The following RBM47 variants were observed in gnomAD, a reference collection of about 807,000 sequenced individuals.
The protein encoded by RBM47 is RNA binding motif protein 47.
RBM47 carries 21 observed loss-of-function variants against 47.1 expected under a neutral mutation model. That is an observed-to-expected ratio of 0.45 (90% CI 0.32 to 0.64). RBM47 has a LOEUF of 0.64. Among genes scored for constraint, RBM47 ranks in the 30% least tolerant of loss-of-function variants. RBM47 has a pLI of 0.05. For synonymous variants in RBM47, 375 were observed against 361.7 expected (o/e 1.04, Z -0.42); for missense variants, 708 against 870.9 (o/e 0.81, Z 2.35).
At chr4:40,545,951 A>G (rs1459634318) in intron 1 of RBM47, among the ~76,000 whole-genome samples, 1 of 152,144 alleles carries the variant, frequency 6.6e-6, no homozygotes, top group East Asian at 1.9e-4. Context: ...CACAGAGAAA[A>G]TGTTCAATGA....
intron 3 of RBM47, among the ~76,000 whole-genome samples, chr4:40,457,444 A>C (rs1488500072): frequency 3.3e-5 from 5 of 152,036 alleles, no homozygotes; most frequent in African/African-American, 4.8e-5. Flanking sequence ...AAAAACAAAA[A>C]AAAGGCATTT....
At chr4:40,568,861 G>A (rs1011693600) in intron 1 of RBM47, among the ~76,000 whole-genome samples, 15 of 151,926 alleles carry the variant, frequency 9.9e-5, no homozygotes, top group East Asian at 9.7e-4. Context: ...GGTGCCTGTA[G>A]TCCCAGCTAC....
At chr4:40,560,392 C>T (rs1373770826) in intron 1 of RBM47, among the ~76,000 whole-genome samples, 1 of 152,186 alleles carries the variant, frequency 6.6e-6, no homozygotes, top group Non-Finnish European at 1.5e-5. Context: ...CACTTTCTTA[C>T]CACTCTTGGA....
At chr4:40,570,983 A>C (rs1731649060) in intron 1 of RBM47, among the ~76,000 whole-genome samples, 1 of 152,066 alleles carries the variant, frequency 6.6e-6, no homozygotes, top group Non-Finnish European at 1.5e-5. Flanking sequence ...TGGGAGGCAA[A>C]GGCAGGTGGA....
intron 1 of RBM47, among the ~76,000 whole-genome samples, chr4:40,546,631 TC>T (rs1287339656): frequency 1.3e-5 from 2 of 152,222 alleles, no homozygotes; most frequent in Non-Finnish European, 2.9e-5. Flanking sequence ...CCAAAGTTCT[TC>T]CCAATGCAAT....
At chr4:40,498,054 TTA>T (rs6148409) in intron 2 of RBM47, among the ~76,000 whole-genome samples, 6,226 of 109,800 alleles carry the variant, frequency 0.057, 570 homozygotes, top group African/African-American at 0.17. Context: ...AGTGCTTGTT[TTA>T]TATATATATA....
At chr4:40,533,747 C>A (rs527488039) in intron 2 of RBM47, among the ~76,000 whole-genome samples, 1 of 152,066 alleles carries the variant, frequency 6.6e-6, no homozygotes, top group Non-Finnish European at 1.5e-5. Context: ...ATGATCCTTG[C>A]ATCCTAGACC....
At chr4:40,493,591 C>T (rs1722188272) in intron 2 of RBM47, among the ~76,000 whole-genome samples, 1 of 152,112 alleles carries the variant, frequency 6.6e-6, no homozygotes, top group African/African-American at 2.4e-5. Flanking sequence ...CAAGACCAGC[C>T]TGGCCAACAT....
chr4:40,573,482 C>CTTTA (rs1312786071), intron 1 of RBM47, among the ~76,000 whole-genome samples: 2 of 151,886 alleles, frequency 1.3e-5, no homozygotes, highest in African/African-American at 4.8e-5. Flanking sequence ...GTGGATTATG[C>CTTTA]CTGTAATCCC....
chr4:40,519,650 C>T (rs1327842037), intron 2 of RBM47, among the ~76,000 whole-genome samples: 1 of 142,596 alleles, frequency 7.0e-6, no homozygotes, highest in African/African-American at 2.7e-5. Flanking sequence ...TTCCCTCTAC[C>T]CTACCCTCCT....
At chr4:40,568,428 C>CAAAAAAAA (rs35434439) in intron 1 of RBM47, among the ~76,000 whole-genome samples, 3 of 57,574 alleles carry the variant, frequency 5.2e-5, no homozygotes, top group East Asian at 5.4e-4. Context: ...AACCCTGTCT[C>CAAAAAAAA]AAAAAAAAAA....
At chr4:40,436,002 CAAAA>C (rs11452583) in intron 5 of RBM47, among the ~76,000 whole-genome samples, 1 of 111,366 alleles carries the variant, frequency 9.0e-6, no homozygotes, top group Non-Finnish European at 1.8e-5. Context: ...ACTAAAAATA[CAAAA>C]AAAAAAAAAA....
intron 3 of RBM47, among the ~76,000 whole-genome samples, chr4:40,453,619 GCTGA>G (rs1715782945): frequency 6.6e-6 from 1 of 152,192 alleles, no homozygotes; most frequent in Non-Finnish European, 1.5e-5. Flanking sequence ...GAGACCTTCT[GCTGA>G]CTGTCAGCAG....
At chr4:40,508,819 C>A (rs189147600) in intron 2 of RBM47, among the ~76,000 whole-genome samples, 1 of 152,168 alleles carries the variant, frequency 6.6e-6, no homozygotes, top group African/African-American at 2.4e-5. Flanking sequence ...ACCTAACAGT[C>A]GTGCAGTTTA....
intron 2 of RBM47, among the ~76,000 whole-genome samples, chr4:40,519,848 T>C (rs1726024713): frequency 6.6e-6 from 1 of 151,956 alleles, no homozygotes; most frequent in Non-Finnish European, 1.5e-5. Flanking sequence ...TTTTGTATTT[T>C]TAGTAGAGAC....
At chr4:40,481,475 TTATTATTATTA>T (rs1560406121) in intron 2 of RBM47, among the ~76,000 whole-genome samples, 33 of 134,574 alleles carry the variant, frequency 2.5e-4, no homozygotes, top group African/African-American at 8.3e-4. Context: ...ATTATTATTA[TTATTATTATTA>T]TTTTTATTTT....
intron 3 of RBM47, among the ~76,000 whole-genome samples, chr4:40,461,277 C>T (rs1308953724): frequency 2.0e-5 from 3 of 152,160 alleles, no homozygotes; most frequent in Non-Finnish European, 2.9e-5. Context: ...AAAACTAATA[C>T]ATCAGTAAAA....
Position 40,519,770 on chromosome 4 carries a change from A to G in RBM47, c.-155+24652T>C, listed in dbSNP as rs574009416. ...CTGCAACCTCCATCTCCCAGGTTCA[A>G]GCAATTCTCCTGCCTAAGCCTCCCG... On this transcript the variant is annotated intron_variant, in intron 2 of 6. Coordinates refer to ENST00000295971, the MANE Select transcript of RBM47 (RefSeq NM_001098634.2). Among the ~76,000 whole-genome samples, 6 of 150,094 alleles carry G rather than the reference A, an allele frequency of 4.0e-5. No homozygotes were observed. In the East Asian group the frequency reaches 1.2e-3, roughly 30 times the overall value.
At chr4:40,470,153 G>C (rs1318305969) in intron 2 of RBM47, among the ~76,000 whole-genome samples, 2 of 152,128 alleles carry the variant, frequency 1.3e-5, no homozygotes, top group Non-Finnish European at 2.9e-5. Flanking sequence ...AATAAGATTT[G>C]TGGGGCAGTT....
Sources: allele counts gnomAD v4.1 joint callset (sites outside exome capture counted in the v4.1 genomes callset), GRCh38; gene constraint gnomAD v4.1.1; transcripts MANE v1.5; gene names NCBI Gene and HGNC (gene_info 2026-07-23, HGNC 2026-07-21).